The following CDK5RAP2 variants were observed in gnomAD, a reference collection of about 807,000 sequenced individuals.
CDK5RAP2 encodes CDK5 regulatory subunit associated protein 2.
CDK5RAP2 carries 147 observed loss-of-function variants against 232.9 expected under a neutral mutation model. The ratio of observed to expected loss-of-function variants is 0.63; its 90% CI spans 0.55 to 0.72. CDK5RAP2 has a LOEUF of 0.72. CDK5RAP2 is among the 30% of genes least tolerant of loss of function. The probability of loss-of-function intolerance (pLI) is 0.00; values close to 1 mark genes in which losing one functional copy is unlikely to be tolerated. For missense variants in CDK5RAP2, 2,195 were observed against 2,231.5 expected, an observed-to-expected ratio of 0.98 and a Z score of 0.33; for synonymous variants, 833 against 833.7, an observed-to-expected ratio of 1.00 and a Z score of 0.01.
At chr9:120,389,968 C>T in intron 36 of CDK5RAP2, 181 bp from the exon 37 acceptor site, 1 of 647,312 alleles carries the variant, frequency 1.5e-6, no homozygotes. Flanking sequence ...TCACAAACCC[C>T]AGGGCCAAAT....
At chr9:120,500,535 T>C (rs2131711139) in intron 12 of CDK5RAP2, among the ~76,000 whole-genome samples, 1 of 152,388 alleles carries the variant, frequency 6.6e-6, no homozygotes, top group East Asian at 1.9e-4. Context: ...TGTTTGAATT[T>C]GCATTCTTTG....
Position 120,536,166 on chromosome 9 carries a change from A to AT in CDK5RAP2, c.662+205dup, listed in dbSNP as rs373905395. Among the ~76,000 whole-genome samples the AT allele has an allele frequency of 2.3e-3, 348 of 152,306 alleles. 2 individuals are homozygous for AT. Among genetic ancestry groups the AT allele is most frequent in the African/African-American group, 8.0e-3 (334 of 41,566 alleles). On this transcript the variant is annotated intron_variant, in intron 7 of 37. Coordinates refer to ENST00000349780, the MANE Select transcript of CDK5RAP2 (RefSeq NM_018249.6). Reference sequence around the variant, plus strand: ...CTATCAGTAGACAATCTCTGACCTCATATGACTATGCTATTCCTTTTCTCT... The same window carrying AT: ...CTATCAGTAGACAATCTCTGACCTCATTATGACTATGCTATTCCTTTTCTCT...
chr9:120,550,992 G>C, intron 3 of CDK5RAP2, 90 bp from the exon 4 acceptor site: 2 of 792,514 alleles, frequency 2.5e-6, no homozygotes, highest in Non-Finnish European at 2.3e-6. Flanking sequence ...TGGATTACGA[G>C]GCTACAAAAC....
intron 4 of CDK5RAP2, among the ~76,000 whole-genome samples, chr9:120,548,073 C>G (rs2041914559): frequency 6.6e-6 from 1 of 152,146 alleles, no homozygotes; most frequent in African/African-American, 2.4e-5. Flanking sequence ...TGAGAAAAGC[C>G]TCGGAGACAG....
chr9:120,481,981 C>G (rs544634724), intron 14 of CDK5RAP2, among the ~76,000 whole-genome samples: 2 of 152,348 alleles, frequency 1.3e-5, no homozygotes, highest in South Asian at 4.1e-4. Flanking sequence ...GCTCCAAGTG[C>G]TATACTAGCT....
At chr9:120,447,855 T>G in intron 22 of CDK5RAP2, 40 bp downstream of exon 22, 1 of 1,418,428 alleles carries the variant, frequency 7.1e-7, no homozygotes, top group Non-Finnish European at 1.0e-6. Flanking sequence ...ATCGAGCCGT[T>G]TGTCTAGCTC....
At chr9:120,511,450 C>G (rs1375983496) in intron 12 of CDK5RAP2, among the ~76,000 whole-genome samples, 2 of 152,220 alleles carry the variant, frequency 1.3e-5, no homozygotes, top group African/African-American at 4.8e-5. Context: ...TTCAAGCTTA[C>G]TGACTTGGAT....
chr9:120,408,357 C>T lies in CDK5RAP2; in HGVS notation c.4716G>A (p.Arg1572=). 1 of 1,614,096 alleles carries T rather than the reference C, an allele frequency of 6.2e-7. No homozygotes were observed. Among genetic ancestry groups the T allele is most frequent in the Non-Finnish European group, 8.5e-7 (1 of 1,180,016 alleles). ...KAYEKLDEEH[R]RLREASGEGW... ...GAAGGGCCTCAGTACCTCTCAGTCTCCTGTGCTCTTCATCCAGCTTCTCAT... is the reference window on the plus strand; with the variant it reads ...GAAGGGCCTCAGTACCTCTCAGTCTTCTGTGCTCTTCATCCAGCTTCTCAT... Residue 1572 remains arginine (R), a synonymous_variant, in exon 31 of 38, where the codon AGG becomes AGA. Transcript: ENST00000349780.
intron 11 of CDK5RAP2, among the ~76,000 whole-genome samples, chr9:120,519,869 C>T (rs1279705692): frequency 6.6e-6 from 1 of 151,696 alleles, no homozygotes; most frequent in Non-Finnish European, 1.5e-5. Flanking sequence ...TATCTAAGCA[C>T]TTACAATGTT....
intron 11 of CDK5RAP2, among the ~76,000 whole-genome samples, chr9:120,519,587 A>G (rs2040527754): frequency 6.6e-6 from 1 of 152,206 alleles, no homozygotes; most frequent in Non-Finnish European, 1.5e-5. Context: ...CTACACAAAA[A>G]ATACTTCCAC....
intron 3 of CDK5RAP2, among the ~76,000 whole-genome samples, chr9:120,567,896 T>C (rs1442452509): frequency 1.3e-5 from 2 of 152,128 alleles, no homozygotes; most frequent in Non-Finnish European, 2.9e-5. Context: ...ACCTGCAAAA[T>C]GGGAATGATA....
At chr9:120,462,601 A>G (rs925971889) in intron 18 of CDK5RAP2, among the ~76,000 whole-genome samples, 1 of 152,226 alleles carries the variant, frequency 6.6e-6, no homozygotes, top group Admixed American at 6.5e-5. Flanking sequence ...TGATGCACTA[A>G]CCACATGGAT....
chr9:120,461,821 C>T (rs2037106318), intron 18 of CDK5RAP2, among the ~76,000 whole-genome samples: 1 of 152,140 alleles, frequency 6.6e-6, no homozygotes, highest in African/African-American at 2.4e-5. Context: ...CCAGCCTGGG[C>T]AACAGAGTAA....
intron 15 of CDK5RAP2, 55 bp downstream of exon 15, chr9:120,477,294 CG>C (rs1458209926): frequency 8.2e-7 from 1 of 1,213,354 alleles, no homozygotes; most frequent in Non-Finnish European, 1.2e-6. Flanking sequence ...CGTGTATGCG[CG>C]TGCATGTGTG....
chr9:120,580,131 C>T lies in CDK5RAP2; in HGVS notation c.-153G>A, dbSNP rs2043192533. The T allele has an allele frequency of 6.8e-6, 4 of 590,590 alleles. No homozygotes were observed. The highest frequency in any genetic ancestry group is 3.8e-5 in the African/African-American group (2 of 53,204). 36.6% of individuals were successfully genotyped at this position (590,590 alleles called of 1,614,324 possible). A position where few individuals can be genotyped will look rare whatever the true frequency, so the allele number is the denominator to read the frequency against. Reference sequence around the variant, plus strand: ...GCGCCGCTGGAATTCAAACCACAGACGCCGCCATCTTTCCCGGCGCTTCTT... The same window carrying T: ...GCGCCGCTGGAATTCAAACCACAGATGCCGCCATCTTTCCCGGCGCTTCTT... On this transcript the variant is annotated 5_prime_UTR_variant, in exon 1 of 38. Coordinates refer to ENST00000349780, the MANE Select transcript of CDK5RAP2 (RefSeq NM_018249.6).
chr9:120,439,366 C>G (rs752612335), intron 24 of CDK5RAP2, 33 bp downstream of exon 24: 5 of 1,576,122 alleles, frequency 3.2e-6, no homozygotes. Flanking sequence ...GGACTACAGG[C>G]TTAAACGGGG....
intron 15 of CDK5RAP2, among the ~76,000 whole-genome samples, chr9:120,477,076 TATA>T (rs1255034631): frequency 9.9e-5 from 15 of 152,216 alleles, no homozygotes; most frequent in African/African-American, 3.6e-4. Flanking sequence ...TTTCTAAATA[TATA>T]ATAAAGTATT....
chr9:120,569,970 G>T (rs929143807), intron 2 of CDK5RAP2, among the ~76,000 whole-genome samples: 5 of 151,978 alleles, frequency 3.3e-5, no homozygotes, highest in African/African-American at 1.2e-4. Flanking sequence ...GAGATGAAGT[G>T]AAATACACAA....
Position 120,439,627 on chromosome 9 carries a change from T to A in CDK5RAP2, c.3494A>T (p.Asp1165Val), listed in dbSNP as rs2035782629. ...DGLSKPKNGSDGEEMTFSSLH... is the reference protein window; with the variant it reads ...DGLSKPKNGSVGEEMTFSSLH... ...ACTTGAAAAGGTCATTTCTTCCCCA[T>A]CAGAACCATTCTTGGGCTTGCTCAA... The change falls in exon 24 of 38, where the codon GAT becomes GTT. Residue 1165 changes from aspartate to valine, a missense_variant. Physicochemically the swap from Asp to Val is radical, Grantham distance 152. Transcript: ENST00000349780. 6.2e-7 allele frequency: 1 copy of A among 1,614,154 alleles called. No individual in the cohort carries two copies. Among genetic ancestry groups the A allele is most frequent in the Non-Finnish European group, 8.5e-7 (1 of 1,180,030 alleles).
Sources: allele counts gnomAD v4.1 joint callset (sites outside exome capture counted in the v4.1 genomes callset), GRCh38; gene constraint gnomAD v4.1.1; transcripts MANE v1.5; gene names NCBI Gene and HGNC (gene_info 2026-07-23, HGNC 2026-07-21).